PTPN2: variants seen among roughly 807,000 people sequenced by gnomAD.
PTPN2 encodes the protein protein tyrosine phosphatase non-receptor type 2, also known as tyrosine-protein phosphatase non-receptor type 2.
Under a neutral mutation model 57.3 loss-of-function variants are expected in PTPN2, and 19 were observed. The observed-to-expected ratio is 0.33, with a 90% CI of 0.23 to 0.49. PTPN2 has a LOEUF of 0.49. Ranked by LOEUF, PTPN2 falls within the 20% of genes least tolerant of loss-of-function variation. PTPN2 has a pLI of 0.99. For synonymous variants in PTPN2, 153 were observed against 164.9 expected (o/e 0.93, Z 0.55); for missense variants, 358 against 501.1 (o/e 0.71, Z 2.73).
intron 6 of PTPN2, among the ~76,000 whole-genome samples, chr18:12,815,743 CA>C (rs1419789594): frequency 6.6e-6 from 1 of 152,168 alleles, no homozygotes; most frequent in African/African-American, 2.4e-5. Context: ...CAACCGTTCC[CA>C]ATTCCTAGCT....
At chr18:12,834,430 T>C (rs1337261489) in intron 3 of PTPN2, among the ~76,000 whole-genome samples, 7 of 151,838 alleles carry the variant, frequency 4.6e-5, no homozygotes. Context: ...TGTCCTAAGG[T>C]TTAAATTATA....
rs1026936564 is a variant in PTPN2, at chr18:12,817,364, C to T, written c.497G>A (p.Ser166Asn). 6.2e-7 allele frequency: 1 copy of T among 1,609,448 alleles called. No homozygotes were observed. The highest frequency in any genetic ancestry group is 2.2e-5 in the East Asian group (1 of 44,856). ...VHLLQLENIN[S>N]GETRTISHFH... ...GTGAGATATTGTTCTGGTTTCACCA[C>T]TCTAAAAAGTGAAAATCAAGGGAGA... Residue 166 changes from serine (S) to asparagine (N), a missense_variant and splice_region_variant, in exon 6 of 9, where the codon AGT (serine) becomes AAT (asparagine). By Grantham distance (46) the Ser-to-Asn change is conservative. Transcript: ENST00000309660.
chr18:12,803,675 G>A (rs913865808), intron 7 of PTPN2, among the ~76,000 whole-genome samples: 2 of 152,178 alleles, frequency 1.3e-5, no homozygotes, highest in African/African-American at 4.8e-5. Flanking sequence ...GCAGGAGGAT[G>A]TAATGATTTT....
rs541843783 is a variant in PTPN2, at chr18:12,881,807, A to G, written c.69+2266T>C. ...TCAACTCCACAAGACCCTGTGCTTC[A>G]AGCTAGCTTTACATGTATCACTTTA... is the stretch of plus-strand genomic sequence containing the variant. On this transcript the variant is annotated intron_variant, in intron 1 of 8. Transcript: ENST00000309660. 4.8e-4 allele frequency among the ~76,000 whole-genome samples: 73 copies of G among 152,350 alleles called. 2 individuals are homozygous for G. The South Asian group carries it at 7.7e-3, about 16-fold the overall frequency.
At chr18:12,817,911 T>C (rs2042132236) in intron 5 of PTPN2, among the ~76,000 whole-genome samples, 1 of 152,098 alleles carries the variant, frequency 6.6e-6, no homozygotes, top group Non-Finnish European at 1.5e-5. Flanking sequence ...GAGGCCGAGG[T>C]GGGCAGATCA....
intron 2 of PTPN2, among the ~76,000 whole-genome samples, chr18:12,845,227 A>T (rs975249128): frequency 1.3e-5 from 2 of 152,220 alleles, no homozygotes; most frequent in Non-Finnish European, 2.9e-5. Context: ...TTAGATCTTT[A>T]GGAACAATTT....
chr18:12,815,559 G>C (rs1453102979), intron 6 of PTPN2, among the ~76,000 whole-genome samples: 1 of 152,074 alleles, frequency 6.6e-6, no homozygotes, highest in Non-Finnish European at 1.5e-5. Flanking sequence ...CCCACACCCA[G>C]GCTCACCAAA....
chr18:12,799,632 T>C (rs796959657), intron 8 of PTPN2, among the ~76,000 whole-genome samples: 47 of 151,816 alleles, frequency 3.1e-4, no homozygotes, highest in African/African-American at 1.1e-3. Context: ...TTGCCCAGTC[T>C]GGAGTGCAGT....
intron 2 of PTPN2, among the ~76,000 whole-genome samples, chr18:12,848,329 G>A (rs1033663643): frequency 6.6e-5 from 10 of 152,156 alleles, no homozygotes; most frequent in African/African-American, 2.2e-4. Context: ...GAAGCAATTC[G>A]TATCATCTAT....
Position 12,794,024 on chromosome 18 carries a change from T to C in PTPN2, c.*254A>G, listed in dbSNP as rs116346098. ...TGTGTTTGACATGTATGAATACAGTTGCAAAATTTACCAGTTTTTAACAAA... is the reference window on the plus strand; with the variant it reads ...TGTGTTTGACATGTATGAATACAGTCGCAAAATTTACCAGTTTTTAACAAA... On this transcript the variant is annotated 3_prime_UTR_variant, in exon 9 of 9. Coordinates refer to ENST00000309660, the MANE Select transcript of PTPN2 (RefSeq NM_002828.4). 1.3e-3 allele frequency: 1,811 copies of C among 1,365,524 alleles called. 28 individuals carry two copies. In the African/African-American group the frequency reaches 0.023, roughly 18 times the overall value. The allele number at this position is 1,365,524 out of a possible 1,614,324, so 84.6% of individuals were successfully genotyped here. A position where few individuals can be genotyped will look rare whatever the true frequency, so the allele number is the denominator to read the frequency against.
intron 7 of PTPN2, among the ~76,000 whole-genome samples, chr18:12,807,586 A>AAAAAAAAAAAAAAAAATATATATATATAT: frequency 2.8e-5 from 1 of 35,200 alleles, no homozygotes; most frequent in Non-Finnish European, 6.1e-5. Flanking sequence ...AAAAAAAAAA[A>AAAAAAAAAAAAAAAAATATATATATATAT]ATATATATAT....
At chr18:12,830,472 AC>A (rs1160313822) in intron 4 of PTPN2, among the ~76,000 whole-genome samples, 1 of 151,714 alleles carries the variant, frequency 6.6e-6, no homozygotes, top group African/African-American at 2.4e-5. Context: ...ATCAGGAAAA[AC>A]CCCTGTAAAT....
exon 10 of PTPN2, chr18:12,785,538 G>GATT: frequency 6.1e-6 from 3 of 490,748 alleles, no homozygotes; most frequent in Non-Finnish European, 1.1e-5. Context: ...AGGAATGGCA[G>GATT]TACAATACAA....
downstream of PTPN2, among the ~76,000 whole-genome samples, chr18:12,791,355 C>A (rs1438199050): frequency 6.6e-6 from 1 of 152,126 alleles, no homozygotes; most frequent in African/African-American, 2.4e-5. Flanking sequence ...AACACTACAT[C>A]ATTCAAGTCA....
chr18:12,840,517 C>A (rs2043008192), intron 2 of PTPN2, among the ~76,000 whole-genome samples: 1 of 152,176 alleles, frequency 6.6e-6, no homozygotes, highest in South Asian at 2.1e-4. Context: ...TGTCTAGAAC[C>A]ATTTGGTGCC....
At chr18:12,877,145 A>AG (rs1173401716) in intron 1 of PTPN2, among the ~76,000 whole-genome samples, 11 of 152,324 alleles carry the variant, frequency 7.2e-5, no homozygotes. Context: ...ACATTTTAAA[A>AG]GGGAACAGTT....
chr18:12,867,056 G>A (rs1218929761), intron 1 of PTPN2, among the ~76,000 whole-genome samples: 2 of 151,404 alleles, frequency 1.3e-5, no homozygotes, highest in Admixed American at 1.3e-4. Context: ...AACACTCTGG[G>A]CCAAGGCAGG....
intron 2 of PTPN2, among the ~76,000 whole-genome samples, chr18:12,837,593 A>G (rs2042911103): frequency 6.6e-6 from 1 of 152,222 alleles, no homozygotes; most frequent in African/African-American, 2.4e-5. Context: ...CAAGAGAAGC[A>G]TGACACCAGG....
chr18:12,874,570 G>A (rs1357081820), intron 1 of PTPN2, among the ~76,000 whole-genome samples: 9 of 109,800 alleles, frequency 8.2e-5, no homozygotes, highest in African/African-American at 1.8e-4. Context: ...CAGCCGCCCC[G>A]TCCGGGAGGG....
Sources: allele counts gnomAD v4.1 joint callset (sites outside exome capture counted in the v4.1 genomes callset), GRCh38; gene constraint gnomAD v4.1.1; transcripts MANE v1.5; gene names NCBI Gene and HGNC (gene_info 2026-07-23, HGNC 2026-07-21).